Variants in RUFY2 observed in about 807,000 individuals in gnomAD.
RUFY2 encodes RUN and FYVE domain-containing protein 2.
RUFY2 carries 49 observed loss-of-function variants against 94.4 expected under a neutral mutation model. That is an observed-to-expected ratio of 0.52 (90% CI 0.41 to 0.66). The LOEUF (loss-of-function observed/expected upper bound fraction) is 0.66. RUFY2 is among the 30% of genes least tolerant of loss of function. The probability of loss-of-function intolerance (pLI) is 0.00; values close to 1 mark genes in which losing one functional copy is unlikely to be tolerated. For missense variants in RUFY2, 541 were observed against 692.8 expected, an observed-to-expected ratio of 0.78 and a Z score of 2.46; for synonymous variants, 255 against 235.7, an observed-to-expected ratio of 1.08 and a Z score of -0.75.
intron 16 of RUFY2, among the ~76,000 whole-genome samples, chr10:68,354,614 T>G (rs571142457): frequency 6.6e-6 from 1 of 152,182 alleles, no homozygotes; most frequent in African/African-American, 2.4e-5. Context: ...TTCCAACCAC[T>G]TTCACACACA....
intron 1 of RUFY2, chr10:68,405,651 T>G: frequency 2.1e-6 from 2 of 941,526 alleles, no homozygotes; most frequent in Non-Finnish European, 2.5e-6. Flanking sequence ...ACAACAAACA[T>G]GACAGGTAAA....
At chr10:68,372,346 G>A (rs958079213) in intron 13 of RUFY2, among the ~76,000 whole-genome samples, 1 of 152,020 alleles carries the variant, frequency 6.6e-6, no homozygotes, top group Non-Finnish European at 1.5e-5. Flanking sequence ...GCTGCAATGA[G>A]TTATGATCAC....
intron 7 of RUFY2, among the ~76,000 whole-genome samples, chr10:68,388,660 C>G (rs924114466): frequency 4.6e-5 from 7 of 151,742 alleles, no homozygotes; most frequent in African/African-American, 1.7e-4. Flanking sequence ...CATGGTGAAA[C>G]CCCAGCTCTA....
intron 13 of RUFY2, 98 bp from the exon 14 acceptor site, chr10:68,364,211 GGCCTTTGTAAT>G: frequency 6.6e-6 from 8 of 1,210,826 alleles, no homozygotes; most frequent in Non-Finnish European, 8.9e-6. Flanking sequence ...TTATTACTTT[GGCCTTTGTAAT>G]GCATTTTTCA....
At chr10:68,370,933 C>T (rs1465143891) in intron 13 of RUFY2, among the ~76,000 whole-genome samples, 2 of 151,738 alleles carry the variant, frequency 1.3e-5, no homozygotes, top group African/African-American at 2.4e-5. Flanking sequence ...GAGATCGAGA[C>T]CATCCTGGCT....
At chr10:68,364,138 A>G (rs774925451) in intron 13 of RUFY2, 25 bp from the exon 14 acceptor site, 1 of 1,599,180 alleles carries the variant, frequency 6.3e-7, no homozygotes, top group Non-Finnish European at 8.5e-7. Context: ...AACACACAGA[A>G]GCTCAGTGCT....
At position 68,381,303 on chromosome 10, in the gene RUFY2, T is replaced by C. The variant is rs1468530801; in HGVS notation, c.1036A>G (p.Thr346Ala). 2 of 1,613,992 alleles carry C rather than the reference T, an allele frequency of 1.2e-6. No individual in the cohort carries two copies. Among genetic ancestry groups the C allele is most frequent in the South Asian group, 1.1e-5 (1 of 91,062 alleles). The change falls in exon 11 of 18, where the codon ACT becomes GCT. Residue 346 changes from threonine to alanine, a missense_variant. Thr to Ala is a moderately conservative substitution (Grantham distance 58, BLOSUM62 0). This residue lies in a region of RUFY2 where 403 missense variants were observed against 480.7 expected (regional missense o/e 0.84). Transcript: ENST00000602465. Reference sequence around the variant, plus strand: ...AGTTGTTGTCGAAGGCCTATCAGAGTATCTTGTTTCTCATGGATATCTTTC... The same window carrying C: ...AGTTGTTGTCGAAGGCCTATCAGAGCATCTTGTTTCTCATGGATATCTTTC... The part of the protein sequence containing the change: ...LEKDIHEKQD[T>A]LIGLRQQLEE...
chr10:68,352,453 C>T (rs376929355), intron 16 of RUFY2, among the ~76,000 whole-genome samples: 2 of 152,224 alleles, frequency 1.3e-5, no homozygotes, highest in East Asian at 3.9e-4. Flanking sequence ...AGGACCAGAA[C>T]AAACATGAGC....
intron 7 of RUFY2, 84 bp from the exon 8 acceptor site, chr10:68,386,212 T>C (rs2049484024): frequency 5.4e-6 from 6 of 1,116,886 alleles, no homozygotes; most frequent in Admixed American, 4.3e-5. Flanking sequence ...AGATTTACTA[T>C]GTTTACTGAC....
At chr10:68,403,217 A>G (rs570765600) in intron 2 of RUFY2, among the ~76,000 whole-genome samples, 1 of 151,366 alleles carries the variant, frequency 6.6e-6, no homozygotes, top group East Asian at 1.9e-4. Flanking sequence ...TAAAGAAAAA[A>G]AAAACAGAAA....
chr10:68,385,641 A>G (rs554536555), intron 8 of RUFY2, among the ~76,000 whole-genome samples: 1 of 152,242 alleles, frequency 6.6e-6, no homozygotes, highest in South Asian at 2.1e-4. Context: ...TCTGGGATAC[A>G]TGTGCAGAAT....
chr10:68,403,571 T>C (rs766520772), intron 2 of RUFY2, among the ~76,000 whole-genome samples: 3 of 152,128 alleles, frequency 2.0e-5, no homozygotes, highest in Non-Finnish European at 4.4e-5. Context: ...AGAGAATGAA[T>C]AAAAACCATG....
rs1234727939 is a variant in RUFY2 at position 68,376,949 on chromosome 10, T to C, written c.1229A>G (p.Gln410Arg). 6.2e-7 allele frequency: 1 copy of C among 1,613,718 alleles called. No individual in the cohort carries two copies. Among genetic ancestry groups the C allele is most frequent in the Admixed American group, 1.7e-5 (1 of 59,956 alleles). ...CTCATCCTCATCTTCAGCTTCCATT[T>C]GCGCCTTCTCTGCTTGCTGCAATCT... The part of the protein sequence containing the change: ...EQRLQQAEKA[Q>R]MEAEDEDEKY... Residue 410 changes from glutamine (Q) to arginine (R), a missense_variant, in exon 13 of 18, where the codon CAA (glutamine) becomes CGA (arginine). By Grantham distance (43) the Gln-to-Arg change is conservative. This residue lies in a region of RUFY2 where 403 missense variants were observed against 480.7 expected (regional missense o/e 0.84). Transcript: ENST00000602465.
intron 8 of RUFY2, 23 bp downstream of exon 8, chr10:68,386,036 T>C (rs899669549): frequency 6.6e-7 from 1 of 1,506,344 alleles, no homozygotes; most frequent in South Asian, 1.2e-5. Flanking sequence ...GTCCATGAAA[T>C]ACATTTATCC....
downstream of RUFY2, chr10:68,341,587 C>T: frequency 6.3e-7 from 1 of 1,598,296 alleles, no homozygotes; most frequent in African/African-American, 1.3e-5. Flanking sequence ...TCTTAAAGAA[C>T]ATCGATATAT....
intron 16 of RUFY2, among the ~76,000 whole-genome samples, chr10:68,349,075 C>A (rs1385953126): frequency 6.6e-6 from 1 of 152,154 alleles, no homozygotes; most frequent in Non-Finnish European, 1.5e-5. Flanking sequence ...CCCAATAGTT[C>A]ACTAATCATA....
At chr10:68,366,543 G>A (rs911761219) in intron 13 of RUFY2, among the ~76,000 whole-genome samples, 5 of 150,262 alleles carry the variant, frequency 3.3e-5, no homozygotes, top group Non-Finnish European at 7.4e-5. Context: ...AGGAGTTCGA[G>A]AACAGCCTGG....
At chr10:68,382,089 C>T (rs2049104959) in intron 10 of RUFY2, among the ~76,000 whole-genome samples, 1 of 149,864 alleles carries the variant, frequency 6.7e-6, no homozygotes, top group African/African-American at 2.5e-5. Context: ...CGCTCTGTTG[C>T]CCAGGCTGGA....
chr10:68,374,114 CAAAAAA>C (rs34041522), intron 13 of RUFY2, among the ~76,000 whole-genome samples: 13 of 59,342 alleles, frequency 2.2e-4, no homozygotes, highest in Non-Finnish European at 2.9e-4. Flanking sequence ...GATCCTGTCC[CAAAAAA>C]AAAAAAAAAA....
Sources: gnomAD v4.1 joint callset for allele counts (sites outside exome capture counted in the v4.1 genomes callset) on GRCh38, gnomAD v4.1.1 for gene constraint, gnomAD v4.1.1 regional missense constraint, MANE v1.5 for transcripts, NCBI Gene and HGNC (gene_info 2026-07-23, HGNC 2026-07-21) for gene names.